The following FHIT variants were observed in gnomAD, a reference collection of about 807,000 sequenced individuals.
FHIT encodes bis(5'-adenosyl)-triphosphatase.
Under a neutral mutation model 17.9 loss-of-function variants are expected in FHIT, and 19 were observed. The observed-to-expected ratio is 1.06, with a 90% confidence interval of 0.74 to 1.56. The LOEUF (loss-of-function observed/expected upper bound fraction) is 1.56. Among genes scored for constraint, FHIT ranks in the 40% most tolerant of loss-of-function variants. The pLI is 0.00. For missense variants in FHIT, 248 were observed against 189.2 expected, an observed-to-expected ratio of 1.31 and a Z score of -1.82; for synonymous variants, 81 against 69.7, an observed-to-expected ratio of 1.16 and a Z score of -0.81.
chr3:60,123,967 A>AAAATATATAT (rs1324108056), intron 5 of FHIT, among the ~76,000 whole-genome samples: 2 of 27,788 alleles, frequency 7.2e-5, no homozygotes, highest in African/African-American at 1.4e-4. Context: ...ATGCACTAAA[A>AAAATATATAT]ATATATATAT....
chr3:59,903,051 A>G (rs1285302982), intron 8 of FHIT, among the ~76,000 whole-genome samples: 4 of 152,226 alleles, frequency 2.6e-5, no homozygotes, highest in African/African-American at 7.2e-5. Flanking sequence ...ATCATCACAC[A>G]GTATATCTTA....
chr3:60,668,674 GC>G (rs1353475974), intron 4 of FHIT, among the ~76,000 whole-genome samples: 3 of 147,580 alleles, frequency 2.0e-5, no homozygotes, highest in African/African-American at 7.6e-5. Flanking sequence ...CCATTCTCCT[GC>G]CTCAGCCTCC....
chr3:61,079,419 A>G (rs2035065776), intron 2 of FHIT, among the ~76,000 whole-genome samples: 1 of 152,180 alleles, frequency 6.6e-6, no homozygotes, highest in Non-Finnish European at 1.5e-5. Context: ...CTGCCATAAT[A>G]TGGAATATAA....
chr3:60,349,500 C>T lies in FHIT; in HGVS notation c.103+187360G>A, dbSNP rs190090036. 2.4e-3 allele frequency among the ~76,000 whole-genome samples: 360 copies of T among 152,240 alleles called. 7 individuals are homozygous for T. The highest frequency in any genetic ancestry group is 4.6e-4 in the Non-Finnish European group (31 of 68,014). On this transcript the variant is annotated intron_variant, in intron 5 of 9. Transcript: ENST00000492590. ...TAAAAGGTAATAATCAGACCAATCC[C>T]TACAATTAAGGAGTTTACTCTCTAT... is the stretch of plus-strand genomic sequence containing the variant.
intron 4 of FHIT, among the ~76,000 whole-genome samples, chr3:60,579,345 T>C (rs2037680089): frequency 6.6e-6 from 1 of 152,136 alleles, no homozygotes; most frequent in South Asian, 2.1e-4. Context: ...TGTATCTAAA[T>C]ATAGAAAAGG....
At chr3:60,584,409 T>C (rs7637553) in intron 4 of FHIT, among the ~76,000 whole-genome samples, 87,861 of 151,244 alleles carry the variant, frequency 0.58, 25,687 homozygotes, top group Admixed American at 0.67. Flanking sequence ...ATACAACCCT[T>C]GTGAGCTGCG....
intron 3 of FHIT, among the ~76,000 whole-genome samples, chr3:60,966,404 C>A (rs1034207463): frequency 1.3e-5 from 2 of 152,242 alleles, no homozygotes; most frequent in African/African-American, 4.8e-5. Context: ...GGCGATGTCC[C>A]GCCCTGCTTT....
intron 5 of FHIT, among the ~76,000 whole-genome samples, chr3:60,158,953 C>G (rs1700822207): frequency 6.6e-6 from 1 of 152,048 alleles, no homozygotes; most frequent in African/African-American, 2.4e-5. Flanking sequence ...GCAAAGAACC[C>G]AACTTCACCT....
chr3:60,215,378 C>A (rs1703651710), intron 5 of FHIT, among the ~76,000 whole-genome samples: 1 of 151,732 alleles, frequency 6.6e-6, no homozygotes, highest in Non-Finnish European at 1.5e-5. Flanking sequence ...ACTAGGGAGG[C>A]TGAGGCAGGA....
At chr3:60,414,810 C>G (rs1001708635) in intron 5 of FHIT, among the ~76,000 whole-genome samples, 1 of 152,080 alleles carries the variant, frequency 6.6e-6, no homozygotes, top group African/African-American at 2.4e-5. Flanking sequence ...TAAGAATGAT[C>G]TAAATTATAA....
At position 60,139,667 on chromosome 3, in the gene FHIT, T is replaced by G. The variant is rs1481205253; in HGVS notation, c.104-125515A>C. Among the ~76,000 whole-genome samples the G allele has an allele frequency of 3.9e-5, 6 of 152,240 alleles. No homozygotes were observed. The East Asian group carries it at 1.2e-3, about 29-fold the overall frequency. ...AAGGGAAAGGAGGGGCTATTCCACT[T>G]TGTATTTCTAGAACATAGCACAGTG... is the stretch of plus-strand genomic sequence containing the variant. On this transcript the variant is annotated intron_variant, in intron 5 of 9. Transcript: ENST00000492590.
chr3:59,992,825 G>A (rs1181031459), intron 7 of FHIT, among the ~76,000 whole-genome samples: 1 of 152,032 alleles, frequency 6.6e-6, no homozygotes, highest in African/African-American at 2.4e-5. Flanking sequence ...CCTCGCAACA[G>A]TGTCAGTGTA....
At chr3:60,382,468 C>G (rs548955046) in intron 5 of FHIT, among the ~76,000 whole-genome samples, 3 of 152,318 alleles carry the variant, frequency 2.0e-5, no homozygotes, top group African/African-American at 7.2e-5. Context: ...TGGGTCTAAT[C>G]TGAGACAATT....
intron 5 of FHIT, among the ~76,000 whole-genome samples, chr3:60,443,654 G>A (rs2031094328): frequency 6.6e-6 from 1 of 152,084 alleles, no homozygotes; most frequent in African/African-American, 2.4e-5. Context: ...GCTTTTTGAT[G>A]TGCTGCTGGA....
chr3:60,867,018 G>A lies in FHIT; in HGVS notation c.-110-45007C>T, dbSNP rs140205143. Among the ~76,000 whole-genome samples the A allele has an allele frequency of 5.7e-4, 86 of 152,104 alleles. 1 individual carries two copies. Among genetic ancestry groups the A allele is most frequent in the African/African-American group, 1.8e-3 (73 of 41,506 alleles). On this transcript the variant is annotated intron_variant, in intron 3 of 9. Coordinates refer to ENST00000492590, the MANE Select transcript of FHIT (RefSeq NM_002012.4). ...AGAAGCCAGGAAATTGAATGTATTC[G>A]ATCACAAAGTATGCATGACCCTCAG...
chr3:59,797,536 A>G (rs1163502276), intron 8 of FHIT, among the ~76,000 whole-genome samples: 1 of 152,198 alleles, frequency 6.6e-6, no homozygotes, highest in Non-Finnish European at 1.5e-5. Context: ...ATGAAACTAG[A>G]GTATTATTTG....
At chr3:60,115,657 C>T (rs1277538471) in intron 5 of FHIT, among the ~76,000 whole-genome samples, 1 of 151,968 alleles carries the variant, frequency 6.6e-6, no homozygotes, top group Non-Finnish European at 1.5e-5. Context: ...TTATGTATAA[C>T]CATAACAAAA....
At chr3:61,155,739 A>C (rs1453523806) in intron 2 of FHIT, among the ~76,000 whole-genome samples, 1 of 152,206 alleles carries the variant, frequency 6.6e-6, no homozygotes, top group Non-Finnish European at 1.5e-5. Context: ...AAAAGTTTGC[A>C]GGTAGGTAGG....
At chr3:61,195,141 C>A (rs549845627) in intron 2 of FHIT, among the ~76,000 whole-genome samples, 1 of 151,998 alleles carries the variant, frequency 6.6e-6, no homozygotes, top group East Asian at 1.9e-4. Flanking sequence ...AAAAAAAGTC[C>A]CTTAAAGGTC....
Sources: gnomAD v4.1 joint callset for allele counts (sites outside exome capture counted in the v4.1 genomes callset) on GRCh38, gnomAD v4.1.1 for gene constraint, MANE v1.5 for transcripts, NCBI Gene and HGNC (gene_info 2026-07-23, HGNC 2026-07-21) for gene names.